Variants in CNTN5 observed in about 807,000 individuals in gnomAD.
The protein encoded by CNTN5 is contactin-5.
Under a neutral mutation model 129.1 loss-of-function variants are expected in CNTN5, and 77 were observed. The ratio of observed to expected loss-of-function variants is 0.60; its 90% CI spans 0.50 to 0.72. The LOEUF (loss-of-function observed/expected upper bound fraction) is 0.72. Among genes scored for constraint, CNTN5 ranks in the 30% least tolerant of loss-of-function variants. CNTN5 has a pLI of 0.00. For synonymous variants in CNTN5, 509 were observed against 465.6 expected (o/e 1.09, Z -1.20); for missense variants, 1,478 against 1,328.8 (o/e 1.11, Z -1.75).
chr11:100,356,949 T>A lies in CNTN5; in HGVS notation c.*729T>A, dbSNP rs535661861. The A allele has an allele frequency of 6.6e-6, 1 of 151,822 alleles. No homozygotes were observed. The highest frequency in any genetic ancestry group is 1.9e-4 in the East Asian group (1 of 5,160). 9.4% of individuals were successfully genotyped at this position (151,822 alleles called of 1,614,324 possible). On this transcript the variant is annotated 3_prime_UTR_variant, in exon 25 of 25. Transcript: ENST00000524871. ...GTACTATGTTATCTAGCAGCAAATA[T>A]AATAAATATTTATTTTTAATAACAA...
intron 1 of CNTN5, among the ~76,000 whole-genome samples, chr11:99,195,976 A>T (rs961785570): frequency 1.3e-5 from 2 of 151,984 alleles, no homozygotes; most frequent in Non-Finnish European, 2.9e-5. Context: ...TAGTTATTTA[A>T]AGAAATTCTG....
At chr11:99,787,241 A>T (rs1316169710) in intron 3 of CNTN5, among the ~76,000 whole-genome samples, 2 of 151,658 alleles carry the variant, frequency 1.3e-5, no homozygotes, top group African/African-American at 4.8e-5. Context: ...TGAAGAATGT[A>T]TGTAAATGCA....
At chr11:99,563,212 C>T (rs1478955560) in intron 3 of CNTN5, among the ~76,000 whole-genome samples, 4 of 152,156 alleles carry the variant, frequency 2.6e-5, no homozygotes, top group Non-Finnish European at 5.9e-5. Flanking sequence ...GTACTAAACT[C>T]TTTTCTTTTA....
intron 9 of CNTN5, among the ~76,000 whole-genome samples, chr11:100,010,965 G>A (rs1011389531): frequency 1.3e-5 from 2 of 152,026 alleles, no homozygotes; most frequent in Non-Finnish European, 2.9e-5. Context: ...TGCCCCACTG[G>A]AACAGCTATA....
intron 3 of CNTN5, among the ~76,000 whole-genome samples, chr11:99,691,781 G>A (rs751907564): frequency 8.5e-5 from 13 of 152,230 alleles, no homozygotes; most frequent in Non-Finnish European, 1.6e-4. Context: ...CCAGAGCTGA[G>A]TTCAGGTCCT....
At chr11:99,258,302 C>T (rs1015310101) in intron 1 of CNTN5, among the ~76,000 whole-genome samples, 1 of 151,980 alleles carries the variant, frequency 6.6e-6, no homozygotes, top group Non-Finnish European at 1.5e-5. Context: ...CACCCTCCTC[C>T]CACCTTCAAG....
intron 2 of CNTN5, among the ~76,000 whole-genome samples, chr11:99,512,190 A>G (rs540897227): frequency 2.6e-5 from 4 of 152,034 alleles, no homozygotes; most frequent in Non-Finnish European, 5.9e-5. Flanking sequence ...CAGGTATAGC[A>G]TTTTTTCTTT....
intron 2 of CNTN5, among the ~76,000 whole-genome samples, chr11:99,328,355 A>T (rs1189916304): frequency 1.3e-5 from 2 of 152,178 alleles, no homozygotes; most frequent in Non-Finnish European, 2.9e-5. Flanking sequence ...ATGAATGAAA[A>T]GCGTAATTTC....
intron 1 of CNTN5, among the ~76,000 whole-genome samples, chr11:99,185,568 T>TC (rs1289979840): frequency 1.3e-5 from 2 of 151,914 alleles, no homozygotes; most frequent in Non-Finnish European, 2.9e-5. Flanking sequence ...AAGTTTTTTT[T>TC]CCCTATGACC....
chr11:99,982,353 T>C (rs1938401291), intron 8 of CNTN5, among the ~76,000 whole-genome samples: 1 of 152,080 alleles, frequency 6.6e-6, no homozygotes, highest in South Asian at 2.1e-4. Flanking sequence ...ATGATAAAAA[T>C]GCTATTTTAG....
chr11:99,622,058 A>C (rs1950968393), intron 3 of CNTN5, among the ~76,000 whole-genome samples: 1 of 152,330 alleles, frequency 6.6e-6, no homozygotes, highest in South Asian at 2.1e-4. Context: ...ATTGAGTATA[A>C]GCCCTTACAC....
chr11:99,264,792 A>C (rs1369005838), intron 1 of CNTN5, among the ~76,000 whole-genome samples: 1 of 152,134 alleles, frequency 6.6e-6, no homozygotes, highest in East Asian at 1.9e-4. Flanking sequence ...GTCCAAGAAC[A>C]ATTTCTGCAG....
chr11:99,410,425 T>C (rs1170224818), intron 2 of CNTN5, among the ~76,000 whole-genome samples: 1 of 152,146 alleles, frequency 6.6e-6, no homozygotes. Flanking sequence ...GCAAGCTAGA[T>C]CCATATTGCC....
intron 2 of CNTN5, among the ~76,000 whole-genome samples, chr11:99,361,246 G>A (rs147551420): frequency 4.6e-5 from 7 of 152,224 alleles, no homozygotes; most frequent in Middle Eastern, 3.4e-3. Context: ...CTCACCAGAA[G>A]CACCTTTAAT....
intron 2 of CNTN5, among the ~76,000 whole-genome samples, chr11:99,511,688 G>A (rs1211724720): frequency 1.3e-5 from 2 of 151,950 alleles, no homozygotes; most frequent in African/African-American, 4.8e-5. Flanking sequence ...AAGTCTCTTT[G>A]TAGGTCACTC....
At chr11:100,019,672 A>C (rs1459803560) in intron 9 of CNTN5, among the ~76,000 whole-genome samples, 1 of 152,008 alleles carries the variant, frequency 6.6e-6, no homozygotes, top group Non-Finnish European at 1.5e-5. Flanking sequence ...ATATCTTTAA[A>C]ATGCTGATTT....
intron 1 of CNTN5, among the ~76,000 whole-genome samples, chr11:99,240,378 C>G (rs1861486454): frequency 6.6e-6 from 1 of 152,136 alleles, no homozygotes; most frequent in African/African-American, 2.4e-5. Context: ...TATCTGTATT[C>G]TCCTCACTCT....
chr11:99,037,966 A>T (rs1404958726), intron 1 of CNTN5, among the ~76,000 whole-genome samples: 4 of 152,108 alleles, frequency 2.6e-5, no homozygotes, highest in Admixed American at 2.6e-4. Flanking sequence ...TGCCTAACAT[A>T]AACACGGGGG....
chr11:99,802,898 A>T (rs1467665657), intron 3 of CNTN5, among the ~76,000 whole-genome samples: 13 of 152,140 alleles, frequency 8.5e-5, no homozygotes, highest in Non-Finnish European at 1.5e-5. Flanking sequence ...TATGCACAGG[A>T]AAGGTGGCAT....
Sources: allele counts gnomAD v4.1 joint callset (sites outside exome capture counted in the v4.1 genomes callset), GRCh38; gene constraint gnomAD v4.1.1; transcripts MANE v1.5; gene names NCBI Gene and HGNC (gene_info 2026-07-23, HGNC 2026-07-21).